The following VPS13D variants were observed in gnomAD, a reference collection of about 807,000 sequenced individuals.
VPS13D encodes the protein intermembrane lipid transfer protein VPS13D.
Under a neutral mutation model 461.9 loss-of-function variants are expected in VPS13D, and 187 were observed. The observed-to-expected ratio is 0.40, with a 90% CI of 0.36 to 0.46. VPS13D has a LOEUF of 0.46. Among genes scored for constraint, VPS13D ranks in the 20% least tolerant of loss-of-function variants. The probability of loss-of-function intolerance (pLI) is 0.60; values close to 1 mark genes in which losing one functional copy is unlikely to be tolerated. For missense variants in VPS13D, 4,711 were observed against 5,364.9 expected (o/e 0.88, Z 3.81); for synonymous variants, 1,951 against 1,986.3 (o/e 0.98, Z 0.47).
chr1:12,483,931 G>T (rs1009078558), intron 67 of VPS13D, among the ~76,000 whole-genome samples: 5 of 151,778 alleles, frequency 3.3e-5, no homozygotes, highest in African/African-American at 1.2e-4. Flanking sequence ...CCGGGATGTG[G>T]AGGTTGCAGT....
chr1:12,506,806 G>A (rs1373605628), intron 68 of VPS13D, 47 bp from the exon 69 acceptor site: 1 of 1,592,440 alleles, frequency 6.3e-7, no homozygotes, highest in Admixed American at 1.7e-5. Context: ...CCCTGATGCT[G>A]GGCGAAGCCC....
Position 12,502,817 on chromosome 1 carries a change from C to G in VPS13D, c.12795-4036C>G, listed in dbSNP as rs913790276. Among the ~76,000 whole-genome samples the G allele has an allele frequency of 2.0e-5, 3 of 152,026 alleles. No individual in the cohort carries two copies. Among genetic ancestry groups the G allele is most frequent in the African/African-American group, 7.2e-5 (3 of 41,386 alleles). ...TGTGGGGAAAGGAGGGGTCATCCCC[C>G]ACAGGTTTGGGGTAACTGGGCACCT... is the stretch of plus-strand genomic sequence containing the variant. On this transcript the variant is annotated intron_variant, in intron 68 of 69. Coordinates refer to ENST00000620676, the MANE Select transcript of VPS13D (RefSeq NM_015378.4). This position sits in a 1 kb window ranked among gnomAD's most constrained non-coding sequence, Gnocchi z 4.3.
chr1:12,456,590 ATCGTGCCACTGCAC>A (rs979770518), intron 66 of VPS13D, among the ~76,000 whole-genome samples: 2 of 144,022 alleles, frequency 1.4e-5, no homozygotes, highest in African/African-American at 5.2e-5. Context: ...ATGAGCTGAG[ATCGTGCCACTGCAC>A]TCCAGCCTGG....
rs1640475351 is a variant in VPS13D, at chr1:12,244,288, C to T, written c.218C>T (p.Pro73Leu). ...ACCCTTCAGATTCCCTTTTATCGCCCCCATGTGGACCCTTGGGTGATCTCC... is the reference window on the plus strand; with the variant it reads ...ACCCTTCAGATTCCCTTTTATCGCCTCCATGTGGACCCTTGGGTGATCTCC... ...KVTLQIPFYR[P>L]HVDPWVISIS... Residue 73 changes from proline (P) to leucine (L), a missense_variant, in exon 4 of 70, where the codon CCC becomes CTC. By Grantham distance (98) the Pro-to-Leu change is moderately conservative (BLOSUM62 -3). Transcript: ENST00000620676. 2 of 1,613,758 alleles carry T rather than the reference C, an allele frequency of 1.2e-6. No individual in the cohort carries two copies. Among genetic ancestry groups the T allele is most frequent in the Non-Finnish European group, 1.7e-6 (2 of 1,179,932 alleles).
chr1:12,505,055 A>C lies in VPS13D; in HGVS notation c.12795-1798A>C, dbSNP rs902890653. Among the ~76,000 whole-genome samples, 1 of 152,166 alleles carries C rather than the reference A, an allele frequency of 6.6e-6. No individual in the cohort carries two copies. Among genetic ancestry groups the C allele is most frequent in the Non-Finnish European group, 1.5e-5 (1 of 68,034 alleles). The stretch of plus-strand genomic sequence containing the variant: ...TCATGCACATTCCTGCTGTCATCCC[A>C]ATCATGGTGGCCAACTTTGGAGTCT... On this transcript the variant is annotated intron_variant, in intron 68 of 69. Coordinates refer to ENST00000620676, the MANE Select transcript of VPS13D (RefSeq NM_015378.4). The surrounding 1 kb of genome is among the most constrained non-coding windows in gnomAD (Gnocchi z 4.2).
chr1:12,272,097 C>T (rs983061416), intron 17 of VPS13D, among the ~76,000 whole-genome samples: 2 of 152,082 alleles, frequency 1.3e-5, no homozygotes, highest in Admixed American at 6.6e-5. Context: ...GAGGCTGAGG[C>T]GGGAGGATTG....
Position 12,348,790 on chromosome 1 carries a change from CAT to C in VPS13D, c.9070-31_9070-30del, listed in dbSNP as rs1039436312. ...TGTATTTTATATGTTTTTTCAGAAA[CAT>C]AACTATTTTGTCTTTATCGCTCTTT... On this transcript the variant is annotated intron_variant, in intron 44 of 69. Coordinates refer to ENST00000620676, the MANE Select transcript of VPS13D (RefSeq NM_015378.4). The C allele has an allele frequency of 5.6e-6, 9 of 1,607,270 alleles. No homozygotes were observed. In the Middle Eastern group the frequency reaches 5.0e-4, roughly 89 times the overall value.
chr1:12,393,326 A>T lies in VPS13D; in HGVS notation c.11635-6855A>T, dbSNP rs532585468. 3.9e-5 allele frequency among the ~76,000 whole-genome samples: 6 copies of T among 152,306 alleles called. No individual in the cohort carries two copies. In the East Asian group the frequency reaches 1.2e-3, roughly 29 times the overall value. ...TGACACAAACCTGGAGAGTTGATAT[A>T]CCCCTGCGGTTAGGACAGTAAAGGT... On this transcript the variant is annotated intron_variant, in intron 60 of 69. Transcript: ENST00000620676.
intron 65 of VPS13D, among the ~76,000 whole-genome samples, chr1:12,419,823 C>T (rs144877144): frequency 1.3e-5 from 2 of 152,174 alleles, no homozygotes; most frequent in Non-Finnish European, 2.9e-5. Flanking sequence ...AATCATTTTA[C>T]TAGGTGATTT....
At chr1:12,409,701 A>G (rs1011742358) in intron 63 of VPS13D, 27 of 261,370 alleles carry the variant, frequency 1.0e-4, no homozygotes, top group Non-Finnish European at 1.4e-4. Flanking sequence ...TTAAATAAAG[A>G]TATAATCAGA....
intron 63 of VPS13D, among the ~76,000 whole-genome samples, chr1:12,414,604 G>T (rs890908974): frequency 2.6e-5 from 4 of 152,182 alleles, no homozygotes; most frequent in African/African-American, 4.8e-5. Flanking sequence ...GTTGTCTTTG[G>T]GGAGGAAGGA....
At chr1:12,404,718 G>A (rs758811620) in intron 63 of VPS13D, among the ~76,000 whole-genome samples, 5 of 152,038 alleles carry the variant, frequency 3.3e-5, no homozygotes, top group African/African-American at 1.2e-4. Flanking sequence ...AGACCTGTGA[G>A]TCCTCAGTGA....
At chr1:12,237,405 A>G (rs147556287) in intron 2 of VPS13D, among the ~76,000 whole-genome samples, 2 of 150,090 alleles carry the variant, frequency 1.3e-5, no homozygotes, top group Non-Finnish European at 1.5e-5. Flanking sequence ...AGGTGGGAGG[A>G]TCACTTGAGC....
In VPS13D at chr1:12,279,566, T is replaced by A; in HGVS notation, c.4518T>A (p.Ser1506=). ...AGAAGATCCCTATAGAGAGAGAATCTGAATTGACTTTTTCTCTTAGCCCAG... is the reference window on the plus strand; with the variant it reads ...AGAAGATCCCTATAGAGAGAGAATCAGAATTGACTTTTTCTCTTAGCCCAG... ...KLEKIPIERE[S]ELTFSLSPDD... is the part of the protein sequence containing the mutation. The change falls in exon 20 of 70, where the codon TCT becomes TCA. Residue 1506 remains serine (S), a synonymous_variant. Coordinates refer to ENST00000620676, the MANE Select transcript of VPS13D (RefSeq NM_015378.4). The surrounding 1 kb of genome is among the most constrained non-coding windows in gnomAD (Gnocchi z 4.3). 4 of 1,613,526 alleles carry A rather than the reference T, an allele frequency of 2.5e-6. No homozygotes were observed. The highest frequency in any genetic ancestry group is 3.4e-6 in the Non-Finnish European group (4 of 1,179,568).
intron 12 of VPS13D, among the ~76,000 whole-genome samples, chr1:12,261,584 G>T (rs928338854): frequency 5.3e-5 from 8 of 152,258 alleles, no homozygotes; most frequent in Non-Finnish European, 7.3e-5. Flanking sequence ...GTAGCCACAT[G>T]TGGTTAGTGG....
chr1:12,461,688 A>G (rs1006892060), intron 67 of VPS13D, among the ~76,000 whole-genome samples: 5 of 152,206 alleles, frequency 3.3e-5, no homozygotes, highest in Non-Finnish European at 5.9e-5. Flanking sequence ...AAAGCTGAAG[A>G]CGCCTAAGAG....
Position 12,261,614 on chromosome 1 carries a change from A to G in VPS13D, c.1415-287A>G, listed in dbSNP as rs187795770. Reference sequence around the variant, plus strand: ...TAGTGGCCACTGTACTGGATATCGCAGATGCGGACCATTTCACCATGCTGG... The same window carrying G: ...TAGTGGCCACTGTACTGGATATCGCGGATGCGGACCATTTCACCATGCTGG... On this transcript the variant is annotated intron_variant, in intron 12 of 69. Coordinates refer to ENST00000620676, the MANE Select transcript of VPS13D (RefSeq NM_015378.4). Among the ~76,000 whole-genome samples, 347 of 152,362 alleles carry G rather than the reference A, an allele frequency of 2.3e-3. 1 individual carries two copies. Among genetic ancestry groups the G allele is most frequent in the Admixed American group, 4.4e-3 (68 of 15,306 alleles).
Position 12,383,101 on chromosome 1 carries a change from T to A in VPS13D, c.11316T>A (p.Gly3772=), listed in dbSNP as rs764650242. 5.6e-6 allele frequency: 9 copies of A among 1,614,086 alleles called. No individual in the cohort carries two copies. The highest frequency in any genetic ancestry group is 5.1e-6 in the Non-Finnish European group (6 of 1,180,030). ...QQFINQKMRP[G]SGMLSIRVIP... is the part of the protein sequence containing the mutation. ...TTATTAATCAAAAAATGAGACCTGG[T>A]TCTGGAATGTTATCCATCAGAGTCA... Residue 3772 remains glycine, a synonymous_variant, in exon 58 of 70, where the codon GGT becomes GGA. Coordinates refer to ENST00000620676, the MANE Select transcript of VPS13D (RefSeq NM_015378.4).
intron 65 of VPS13D, among the ~76,000 whole-genome samples, chr1:12,450,754 C>G (rs1021179508): frequency 6.6e-6 from 1 of 152,172 alleles, no homozygotes; most frequent in Non-Finnish European, 1.5e-5. Flanking sequence ...TTACTTAAAG[C>G]CTTTTCAACT....
Sources: gnomAD v4.1 joint callset for allele counts (sites outside exome capture counted in the v4.1 genomes callset) on GRCh38, gnomAD v4.1.1 for gene constraint, Gnocchi (gnomAD v3.1) non-coding constraint, MANE v1.5 for transcripts, NCBI Gene and HGNC (gene_info 2026-07-23, HGNC 2026-07-21) for gene names.